Variants in CHMP4B observed in about 807,000 individuals in gnomAD.
CHMP4B encodes the protein SNF7 homolog associated with Alix 1.
In CHMP4B, 1 loss-of-function variant was observed where a neutral mutation model predicts 25.1. The observed-to-expected ratio is 0.04, with a 90% CI of 0.01 to 0.19. The LOEUF (loss-of-function observed/expected upper bound fraction) is 0.19, where lower values mean the gene tolerates loss of function less well. Ranked by LOEUF, CHMP4B falls within the 10% of genes least tolerant of loss-of-function variation. The pLI is 1.00. For synonymous variants in CHMP4B, 101 were observed against 115.6 expected (o/e 0.87, Z 0.81); for missense variants, 151 against 289.7 (o/e 0.52, Z 3.48).
At chr20:33,840,329 A>C (rs2092737) in intron 1 of CHMP4B, among the ~76,000 whole-genome samples, 73,976 of 151,730 alleles carry the variant, frequency 0.49, 18,882 homozygotes, top group East Asian at 0.91. Context: ...GCAAGGAAAG[A>C]GAGGCGGGGG....
rs548441020 is a variant in CHMP4B at position 33,850,908 on chromosome 20, G to A, written c.369-44G>A. ...GCCTTGCCTTGCAGGCCCCCTTTAC[G>A]CAGCCTAATCGATTGATATGATACC... On this transcript the variant is annotated intron_variant, in intron 2 of 4. Transcript: ENST00000217402. 5.6e-6 allele frequency: 8 copies of A among 1,433,350 alleles called. No homozygotes were observed. In the Admixed American group the frequency reaches 6.7e-5, roughly 12 times the overall value. 88.8% of individuals were successfully genotyped at this position (1,433,350 alleles called of 1,614,324 possible).
intron 1 of CHMP4B, among the ~76,000 whole-genome samples, chr20:33,818,578 T>C (rs1568605164): frequency 6.6e-6 from 1 of 152,242 alleles, no homozygotes; most frequent in Non-Finnish European, 1.5e-5. Context: ...CTACCTCTGC[T>C]ACAGGTTGGG....
chr20:33,853,627 G>T lies in CHMP4B; in HGVS notation c.*67G>T. On this transcript the variant is annotated 3_prime_UTR_variant, in exon 5 of 5. Coordinates refer to ENST00000217402, the MANE Select transcript of CHMP4B (RefSeq NM_176812.5). ...CTGCGCAGCGAGCAGGCGTGTGCGT[G>T]TGTGGGGCAGGCAGGATGTGGTGCA... 1.4e-6 allele frequency: 2 copies of T among 1,402,980 alleles called. No individual in the cohort carries two copies. Among genetic ancestry groups the T allele is most frequent in the Non-Finnish European group, 1.0e-6 (1 of 988,516 alleles). 86.9% of individuals were successfully genotyped at this position (1,402,980 alleles called of 1,614,324 possible). A position where few individuals can be genotyped will look rare whatever the true frequency, so the allele number is the denominator to read the frequency against.
chr20:33,815,796 A>G (rs1291060435), intron 1 of CHMP4B, among the ~76,000 whole-genome samples: 3 of 152,242 alleles, frequency 2.0e-5, no homozygotes, highest in Non-Finnish European at 4.4e-5. Flanking sequence ...CTCAAAGACC[A>G]GTTCTGTTGA....
rs371022219 is a variant in CHMP4B, at chr20:33,835,055, C to G, written c.191-13412C>G. Among the ~76,000 whole-genome samples the G allele has an allele frequency of 2.5e-3, 382 of 152,238 alleles. 3 individuals are homozygous for G. Among genetic ancestry groups the G allele is most frequent in the East Asian group, 0.022 (113 of 5,172 alleles). On this transcript the variant is annotated intron_variant, in intron 1 of 4. Coordinates refer to ENST00000217402, the MANE Select transcript of CHMP4B (RefSeq NM_176812.5). ...AAGGGATCCGCCCGCCTCGGCCTCCCAAAATGCTGGGATTACAAGCGTGAG... is the reference window on the plus strand; with the variant it reads ...AAGGGATCCGCCCGCCTCGGCCTCCGAAAATGCTGGGATTACAAGCGTGAG...
chr20:33,823,772 T>G (rs1979010749), intron 1 of CHMP4B, among the ~76,000 whole-genome samples: 1 of 152,220 alleles, frequency 6.6e-6, no homozygotes, highest in Non-Finnish European at 1.5e-5. Flanking sequence ...CTCGAACTCC[T>G]GACCTCAGGT....
In CHMP4B at chr20:33,853,594, G is replaced by C. The variant is rs373310220; in HGVS notation, c.*34G>C. ...AGCGCTGGCTGGGCCCAGACAGACTGTGGTGGCCTGCGCAGCGAGCAGGCG... is the reference window on the plus strand; with the variant it reads ...AGCGCTGGCTGGGCCCAGACAGACTCTGGTGGCCTGCGCAGCGAGCAGGCG... On this transcript the variant is annotated 3_prime_UTR_variant, in exon 5 of 5. Coordinates refer to ENST00000217402, the MANE Select transcript of CHMP4B (RefSeq NM_176812.5). 4 of 1,595,808 alleles carry C rather than the reference G, an allele frequency of 2.5e-6. No individual in the cohort carries two copies. The highest frequency in any genetic ancestry group is 3.3e-4 in the Middle Eastern group (2 of 6,026).
At chr20:33,818,379 C>T (rs567209058) in intron 1 of CHMP4B, among the ~76,000 whole-genome samples, 1 of 152,250 alleles carries the variant, frequency 6.6e-6, no homozygotes, top group South Asian at 2.1e-4. Context: ...CACCCAGCCA[C>T]CCATCCAATG....
At chr20:33,823,964 C>T (rs898343458) in intron 1 of CHMP4B, among the ~76,000 whole-genome samples, 8 of 152,306 alleles carry the variant, frequency 5.3e-5, no homozygotes, top group Admixed American at 2.0e-4. Flanking sequence ...GGATGAGTCA[C>T]CACACCCGGC....
chr20:33,822,465 A>G (rs1978969406), intron 1 of CHMP4B, among the ~76,000 whole-genome samples: 1 of 152,150 alleles, frequency 6.6e-6, no homozygotes, highest in South Asian at 2.1e-4. Flanking sequence ...ATTCTCTATC[A>G]GGTGAACTAG....
Position 33,852,119 on chromosome 20 carries a change from C to G in CHMP4B, c.526C>G (p.Leu176Val). The G allele has an allele frequency of 6.2e-7, 1 of 1,614,224 alleles. No individual in the cohort carries two copies. The highest frequency in any genetic ancestry group is 8.5e-7 in the Non-Finnish European group (1 of 1,180,024). The stretch of plus-strand genomic sequence containing the variant: ...ATTAGAAGAACTAGAACAGGAGGAA[C>G]TAGACAAGAATTTGCTGGAAATCAG... Reference protein sequence around the residue: ...AELEELEQEELDKNLLEISGP... With the variant: ...AELEELEQEEVDKNLLEISGP... Residue 176 changes from leucine (L) to valine (V), a missense_variant, in exon 4 of 5, where the codon CTA (leucine) becomes GTA (valine). This residue lies in a region of CHMP4B where 82 missense variants were observed against 208.3 expected (regional missense o/e 0.39). Coordinates refer to ENST00000217402, the MANE Select transcript of CHMP4B (RefSeq NM_176812.5).
chr20:33,824,291 G>A (rs910772549), intron 1 of CHMP4B, among the ~76,000 whole-genome samples: 1 of 152,132 alleles, frequency 6.6e-6, no homozygotes, highest in Non-Finnish European at 1.5e-5. Flanking sequence ...CCTTCTTGAG[G>A]CTCCAAGTCT....
intron 1 of CHMP4B, among the ~76,000 whole-genome samples, chr20:33,822,804 A>G (rs185884120): frequency 1.6e-4 from 25 of 151,558 alleles, no homozygotes; most frequent in African/African-American, 5.8e-4. Context: ...TTCTTTTTTT[A>G]TTTTTTTGAG....
At chr20:33,813,955 A>G (rs1206718139) in intron 1 of CHMP4B, among the ~76,000 whole-genome samples, 2 of 152,210 alleles carry the variant, frequency 1.3e-5, no homozygotes, top group Non-Finnish European at 2.9e-5. Flanking sequence ...CTGGTCTTGA[A>G]CACCTGACCT....
Position 33,818,246 on chromosome 20 carries a change from T to C in CHMP4B, c.190+6588T>C, listed in dbSNP as rs1978834955. Among the ~76,000 whole-genome samples the C allele has an allele frequency of 2.6e-5, 4 of 152,284 alleles. 1 individual carries two copies. The South Asian group carries it at 8.3e-4, about 32-fold the overall frequency. On this transcript the variant is annotated intron_variant, in intron 1 of 4. Transcript: ENST00000217402. ...TCCCCACAAGGGCCCACACAGTTCA[T>C]CGAGGAAGACACACAGGTAAAAGTA...
intron 1 of CHMP4B, among the ~76,000 whole-genome samples, chr20:33,812,376 A>C (rs1288260322): frequency 1.3e-5 from 2 of 152,072 alleles, no homozygotes; most frequent in African/African-American, 2.4e-5. Context: ...CCGTGGCGCA[A>C]GCCTTCACCC....
intron 1 of CHMP4B, among the ~76,000 whole-genome samples, chr20:33,828,439 CG>C (rs1291056933): frequency 6.6e-6 from 1 of 152,150 alleles, no homozygotes; most frequent in East Asian, 1.9e-4. Flanking sequence ...AGCCAGCTGA[CG>C]GGGAGATGGA....
At chr20:33,836,152 G>A (rs1205961591) in intron 1 of CHMP4B, among the ~76,000 whole-genome samples, 2 of 152,124 alleles carry the variant, frequency 1.3e-5, no homozygotes, top group African/African-American at 4.8e-5. Flanking sequence ...TTTGACATCT[G>A]TGTTAGTTTG....
intron 1 of CHMP4B, among the ~76,000 whole-genome samples, chr20:33,829,128 A>G (rs1384145400): frequency 6.6e-6 from 1 of 152,204 alleles, no homozygotes; most frequent in Non-Finnish European, 1.5e-5. Flanking sequence ...TATGACTTGA[A>G]TCCAAGGGAG....
Sources: allele counts gnomAD v4.1 joint callset (sites outside exome capture counted in the v4.1 genomes callset), GRCh38; gene constraint gnomAD v4.1.1; regional missense constraint gnomAD v4.1.1; transcripts MANE v1.5; gene names NCBI Gene and HGNC (gene_info 2026-07-23, HGNC 2026-07-21).